Variants in PAM observed in about 807,000 individuals in gnomAD.
PAM encodes peptidyl-glycine alpha-amidating monooxygenase.
PAM carries 72 observed loss-of-function variants against 122.1 expected under a neutral mutation model. The ratio of observed to expected loss-of-function variants is 0.59; its 90% CI spans 0.49 to 0.72. The LOEUF is 0.72. Among genes scored for constraint, PAM ranks in the 30% least tolerant of loss-of-function variants. The pLI is 0.00. For missense variants in PAM, 1,106 were observed against 1,183.7 expected (o/e 0.93, Z 0.96); for synonymous variants, 389 against 404.4 (o/e 0.96, Z 0.46).
intron 15 of PAM, among the ~76,000 whole-genome samples, chr5:102,988,639 AAGGAAAGGAAAGGGAAGGGG>A (rs920584659): frequency 1.4e-5 from 2 of 140,962 alleles, no homozygotes; most frequent in African/African-American, 6.3e-5. Context: ...GAAAAAAAAG[AAGGAAAGGAAAGGGAAGGGG>A]AGGAAAGGAA....
intron 15 of PAM, among the ~76,000 whole-genome samples, chr5:102,983,143 T>A (rs1405381899): frequency 6.6e-6 from 1 of 151,844 alleles, no homozygotes; most frequent in Admixed American, 6.6e-5. Flanking sequence ...TATGAAGACA[T>A]CTTTTAAAAT....
Position 102,923,083 on chromosome 5 carries a change from A to G in PAM, c.357-1874A>G, listed in dbSNP as rs200914999. Among the ~76,000 whole-genome samples the G allele has an allele frequency of 2.0e-5, 3 of 152,190 alleles. No homozygotes were observed. The East Asian group carries it at 5.8e-4, about 29-fold the overall frequency. On this transcript the variant is annotated intron_variant, in intron 5 of 25. Coordinates refer to ENST00000438793, the MANE Select transcript of PAM (RefSeq NM_001177306.2). ...ATTACACATTACACAATCTCTTTCT[A>G]CAGCCTGATTTATAGAAGCAAGATC...
chr5:102,836,858 C>CAGAGAG (rs745900009), intron 1 of PAM, among the ~76,000 whole-genome samples: 2 of 50,032 alleles, frequency 4.0e-5, no homozygotes, highest in African/African-American at 1.1e-4. Context: ...AAGAAAGAAA[C>CAGAGAG]CGAGAGAGAG....
At chr5:102,893,053 G>C (rs565012785) in intron 3 of PAM, among the ~76,000 whole-genome samples, 1 of 151,682 alleles carries the variant, frequency 6.6e-6, no homozygotes, top group Non-Finnish European at 1.5e-5. Context: ...TCAGTTAAAG[G>C]TATCTCACTT....
chr5:102,807,810 A>G (rs1399586527), intron 1 of PAM, among the ~76,000 whole-genome samples: 2 of 152,216 alleles, frequency 1.3e-5, no homozygotes, highest in Non-Finnish European at 2.9e-5. Context: ...ACCTGGGAGC[A>G]TTATTTATTG....
intron 1 of PAM, among the ~76,000 whole-genome samples, chr5:102,792,018 TA>T (rs1762180793): frequency 6.6e-6 from 1 of 152,162 alleles, no homozygotes; most frequent in African/African-American, 2.4e-5. Context: ...AGGGTGAACA[TA>T]AAAAATGGAC....
At chr5:102,792,142 A>G (rs1014363561) in intron 1 of PAM, among the ~76,000 whole-genome samples, 3 of 152,108 alleles carry the variant, frequency 2.0e-5, no homozygotes, top group Non-Finnish European at 4.4e-5. Context: ...TGTAATTTAT[A>G]TTTAAACATG....
At chr5:102,802,866 A>G (rs765968739) in intron 1 of PAM, among the ~76,000 whole-genome samples, 26 of 152,176 alleles carry the variant, frequency 1.7e-4, no homozygotes, top group African/African-American at 6.0e-4. Context: ...AGGTAGTACT[A>G]TTGTTCTTCC....
At chr5:102,899,485 G>T (rs1797083006) in intron 3 of PAM, among the ~76,000 whole-genome samples, 1 of 151,536 alleles carries the variant, frequency 6.6e-6, no homozygotes, top group African/African-American at 2.4e-5. Context: ...AAATTAAAAA[G>T]AAGTTCTGTT....
At chr5:102,851,315 A>G (rs1781312073) in intron 1 of PAM, among the ~76,000 whole-genome samples, 1 of 152,190 alleles carries the variant, frequency 6.6e-6, no homozygotes, top group African/African-American at 2.4e-5. Context: ...TTTTAATGGT[A>G]TCTCATTTGG....
At chr5:102,990,563 T>C (rs1773757315) in intron 16 of PAM, among the ~76,000 whole-genome samples, 162 bp downstream of exon 16, 1 of 152,224 alleles carries the variant, frequency 6.6e-6, no homozygotes, top group Admixed American at 6.5e-5. Flanking sequence ...CTGTAGTAAG[T>C]AGCAGAGAGG....
At chr5:102,766,400 T>C (rs943270330) in intron 1 of PAM, among the ~76,000 whole-genome samples, 1 of 152,176 alleles carries the variant, frequency 6.6e-6, no homozygotes, top group Admixed American at 6.5e-5. Context: ...GCTTGCAACC[T>C]AGATCCCTCT....
At position 102,974,114 on chromosome 5, in the gene PAM, A is replaced by G; in HGVS notation, c.1163-2A>G. 6.2e-7 allele frequency: 1 copy of G among 1,604,228 alleles called. No homozygotes were observed. Reference sequence around the variant, plus strand: ...CCCTTATCTCTTCTCTTTTTTCCACAGGTGATTTCTATTCACTACTTTCCA... The same window carrying G: ...CCCTTATCTCTTCTCTTTTTTCCACGGGTGATTTCTATTCACTACTTTCCA... On this transcript the variant is annotated splice_acceptor_variant, in intron 14 of 25. Coordinates refer to ENST00000438793, the MANE Select transcript of PAM (RefSeq NM_001177306.2). LOFTEE classifies it high-confidence loss of function.
At chr5:102,913,795 C>G (rs1298099062) in intron 4 of PAM, 139 bp from the exon 5 acceptor site, 1 of 589,784 alleles carries the variant, frequency 1.7e-6, no homozygotes, top group Non-Finnish European at 3.1e-6. Context: ...ATAATTTATA[C>G]AGACAGGGCA....
At chr5:102,795,330 C>G (rs752901161) in intron 1 of PAM, among the ~76,000 whole-genome samples, 16 of 151,700 alleles carry the variant, frequency 1.1e-4, no homozygotes, top group East Asian at 7.8e-4. Flanking sequence ...AGGTAAAACT[C>G]AAAAATTACT....
intron 16 of PAM, among the ~76,000 whole-genome samples, chr5:103,002,593 ATAAT>A (rs1459386810): frequency 6.6e-6 from 1 of 152,188 alleles, no homozygotes; most frequent in East Asian, 1.9e-4. Flanking sequence ...AGCTATTATT[ATAAT>A]TAATGACAAA....
At chr5:102,870,434 A>G (rs979263904) in intron 3 of PAM, among the ~76,000 whole-genome samples, 1 of 152,114 alleles carries the variant, frequency 6.6e-6, no homozygotes, top group Non-Finnish European at 1.5e-5. Context: ...ACAAGCCTAG[A>G]TTAGTGTCTT....
intron 16 of PAM, among the ~76,000 whole-genome samples, chr5:102,992,866 ACATTATATCC>A (rs1774558001): frequency 1.3e-5 from 2 of 152,140 alleles, no homozygotes; most frequent in African/African-American, 4.8e-5. Flanking sequence ...AAATTGAAGC[ACATTATATCC>A]CATAGTTCGT....
intron 1 of PAM, among the ~76,000 whole-genome samples, chr5:102,811,954 T>G (rs577053746): frequency 1.6e-4 from 24 of 152,356 alleles, no homozygotes; most frequent in African/African-American, 5.8e-4. Context: ...TCACATCAGA[T>G]GAAGTTAATT....
Sources: allele counts gnomAD v4.1 joint callset (sites outside exome capture counted in the v4.1 genomes callset), GRCh38; gene constraint gnomAD v4.1.1; transcripts MANE v1.5; gene names NCBI Gene and HGNC (gene_info 2026-07-23, HGNC 2026-07-21).